MOCOS: variants seen among roughly 807,000 people sequenced by gnomAD.
MOCOS encodes the protein human molybdenum cofactor sulfurase.
MOCOS carries 86 observed loss-of-function variants against 83.6 expected under a neutral mutation model. The observed-to-expected ratio is 1.03, with a 90% CI of 0.86 to 1.23. MOCOS has a LOEUF of 1.23. Ranked by LOEUF, MOCOS falls within the 50% of genes most tolerant of loss-of-function variation. The pLI is 0.00. For synonymous variants in MOCOS, 445 were observed against 434.7 expected, an observed-to-expected ratio of 1.02 and a Z score of -0.29; for missense variants, 1,120 against 1,126.9, an observed-to-expected ratio of 0.99 and a Z score of 0.09.
rs1555652670 is a variant in MOCOS at position 36,218,837 on chromosome 18, T to TTTAA, written c.1798-1216_1798-1215insAATT. Among the ~76,000 whole-genome samples the TTTAA allele has an allele frequency of 1.3e-4, 17 of 133,958 alleles. No individual in the cohort carries two copies. The South Asian group carries it at 1.4e-3, about 11-fold the overall frequency. The allele number at this position is 133,958 out of a possible 152,430, so 87.9% of individuals were successfully genotyped here. A position where few individuals can be genotyped will look rare whatever the true frequency, so the allele number is the denominator to read the frequency against. ...GCCCAGCTCTACTCACTTTATTTTA[T>TTTAA]TTTATTTATTTATTTATTTATTTAT... On this transcript the variant is annotated intron_variant, in intron 8 of 14. Transcript: ENST00000261326.
intron 9 of MOCOS, among the ~76,000 whole-genome samples, chr18:36,235,315 T>A (rs1215412242): frequency 8.2e-6 from 1 of 121,394 alleles, no homozygotes; most frequent in South Asian, 3.1e-4. Flanking sequence ...CAGAGTGTGA[T>A]GTTCCCCTTC....
intron 5 of MOCOS, 138 bp from the exon 6 acceptor site, chr18:36,204,939 G>A (rs1008381207): frequency 1.4e-6 from 1 of 737,870 alleles, no homozygotes; most frequent in Non-Finnish European, 2.1e-6. Context: ...GCTGCAGTGA[G>A]CTGTGATCAT....
chr18:36,231,679 A>G (rs1035807013), intron 9 of MOCOS, among the ~76,000 whole-genome samples: 31 of 152,204 alleles, frequency 2.0e-4, no homozygotes, highest in Non-Finnish European at 2.5e-4. Flanking sequence ...ATGAGCCTTC[A>G]TGCTTGTCTG....
intron 10 of MOCOS, 92 bp from the exon 11 acceptor site, chr18:36,251,067 A>G (rs1158653475): frequency 3.4e-6 from 5 of 1,460,690 alleles, no homozygotes; most frequent in Non-Finnish European, 4.7e-6. Flanking sequence ...GTTTTGTTTT[A>G]TTTTATTTTG....
chr18:36,210,004 G>GGATTA (rs2091448441), intron 6 of MOCOS, among the ~76,000 whole-genome samples: 1 of 152,066 alleles, frequency 6.6e-6, no homozygotes, highest in Non-Finnish European at 1.5e-5. Context: ...GTACCCGGCT[G>GGATTA]GATTAGCTCT....
chr18:36,213,106 C>T (rs554498958), intron 6 of MOCOS, among the ~76,000 whole-genome samples: 5 of 152,186 alleles, frequency 3.3e-5, no homozygotes, highest in Admixed American at 6.5e-5. Context: ...CGAGCTGAGG[C>T]GGGGCTGCTC....
At position 36,205,511 on chromosome 18, in the gene MOCOS, G is replaced by A. The variant is rs564370318; in HGVS notation, c.1218+235G>A. Among the ~76,000 whole-genome samples the A allele has an allele frequency of 2.6e-5, 4 of 152,318 alleles. No homozygotes were observed. In the South Asian group the frequency reaches 6.2e-4, roughly 24 times the overall value. On this transcript the variant is annotated intron_variant, in intron 6 of 14. Coordinates refer to ENST00000261326, the MANE Select transcript of MOCOS (RefSeq NM_017947.4). Reference sequence around the variant, plus strand: ...CTGATGGCAGGTGGGAAACTGTTGGGTCTTTGCCATAGTAGAATAAGCTGT... The same window carrying A: ...CTGATGGCAGGTGGGAAACTGTTGGATCTTTGCCATAGTAGAATAAGCTGT...
chr18:36,271,904 A>C lies in MOCOS; in HGVS notation c.*3219A>C, dbSNP rs1473222546. On this transcript the variant is annotated 3_prime_UTR_variant, in exon 15 of 15. Transcript: ENST00000261326. ...GTCCGCTTATCCTTCTCTTTCAGTG[A>C]AAAGTTGCTTTTTTATTCAATATGT... 6.6e-6 allele frequency: 1 copy of C among 152,194 alleles called. No individual in the cohort carries two copies. Among genetic ancestry groups the C allele is most frequent in the African/African-American group, 2.4e-5 (1 of 41,458 alleles). 9.4% of individuals were successfully genotyped at this position (152,194 alleles called of 1,614,324 possible).
intron 11 of MOCOS, among the ~76,000 whole-genome samples, chr18:36,254,591 G>T (rs1165033247): frequency 6.6e-6 from 1 of 150,498 alleles, no homozygotes. Flanking sequence ...ATATATGTGT[G>T]TGTGTATATA....
chr18:36,200,441 T>G lies in MOCOS; in HGVS notation c.941+117T>G. 5 of 1,333,880 alleles carry G rather than the reference T, an allele frequency of 3.7e-6. No individual in the cohort carries two copies. In the South Asian group the frequency reaches 6.8e-5, roughly 18 times the overall value. The allele number at this position is 1,333,880 out of a possible 1,614,324, so 82.6% of individuals were successfully genotyped here. A position where few individuals can be genotyped will look rare whatever the true frequency, so the allele number is the denominator to read the frequency against. On this transcript the variant is annotated intron_variant, in intron 4 of 14. Coordinates refer to ENST00000261326, the MANE Select transcript of MOCOS (RefSeq NM_017947.4). ...CTTTGAGGGTCAGCAGAATTCAGGTTGCTGGCAGGGACAGGCTGATGGCAG... is the reference window on the plus strand; with the variant it reads ...CTTTGAGGGTCAGCAGAATTCAGGTGGCTGGCAGGGACAGGCTGATGGCAG...
chr18:36,254,604 TATAC>T (rs1958755210), intron 11 of MOCOS, among the ~76,000 whole-genome samples: 2 of 151,016 alleles, frequency 1.3e-5, no homozygotes, highest in Non-Finnish European at 3.0e-5. Flanking sequence ...TGTATATATA[TATAC>T]ACACACACAT....
intron 9 of MOCOS, among the ~76,000 whole-genome samples, chr18:36,224,253 C>T (rs1365644694): frequency 6.6e-6 from 1 of 152,078 alleles, no homozygotes; most frequent in Admixed American, 6.6e-5. Context: ...AATTTTACTT[C>T]CCTTTTCCAA....
At chr18:36,232,258 A>C (rs1046702786) in intron 9 of MOCOS, among the ~76,000 whole-genome samples, 7 of 152,204 alleles carry the variant, frequency 4.6e-5, no homozygotes, top group African/African-American at 1.7e-4. Context: ...TCCAGGTATG[A>C]GCCACCATGC....
chr18:36,211,933 G>A (rs533284760), intron 6 of MOCOS, among the ~76,000 whole-genome samples: 25 of 152,332 alleles, frequency 1.6e-4, no homozygotes, highest in African/African-American at 6.0e-4. Context: ...TGTTCCCTGG[G>A]ACACTAGCTT....
rs2069841689 is a variant in MOCOS, at chr18:36,200,275, T to C, written c.892T>C (p.Tyr298His). The change falls in exon 4 of 15, where the codon TAC becomes CAC. Residue 298 changes from tyrosine to histidine, a missense_variant. Transcript: ENST00000261326. ...CTTTGGAGGAGGGACAGCCTCTGCG[T>C]ACCTAGCAGGAGAAGACTTCTACAT... ...TYFGGGTASA[Y>H]LAGEDFYIPR... The C allele has an allele frequency of 6.2e-7, 1 of 1,614,152 alleles. No homozygotes were observed. Among genetic ancestry groups the C allele is most frequent in the South Asian group, 1.1e-5 (1 of 91,082 alleles).
chr18:36,212,926 G>A (rs1281811516), intron 6 of MOCOS, among the ~76,000 whole-genome samples: 1 of 152,166 alleles, frequency 6.6e-6, no homozygotes. Context: ...AACATCCCAG[G>A]GGCTCATGTG....
chr18:36,247,992 G>A (rs1170048681), intron 9 of MOCOS, among the ~76,000 whole-genome samples: 2 of 151,986 alleles, frequency 1.3e-5, no homozygotes, highest in Admixed American at 6.6e-5. Context: ...TGGATCATAC[G>A]GTATTTTTAT....
chr18:36,217,363 TA>T (rs1199952110), intron 8 of MOCOS, among the ~76,000 whole-genome samples: 11 of 152,214 alleles, frequency 7.2e-5, no homozygotes, highest in Non-Finnish European at 4.4e-5. Flanking sequence ...TAAAGTATAT[TA>T]AAAATATTAA....
chr18:36,270,682 C>G lies in MOCOS; in HGVS notation c.*1997C>G, dbSNP rs138512504. On this transcript the variant is annotated 3_prime_UTR_variant, in exon 15 of 15. Transcript: ENST00000261326. Reference sequence around the variant, plus strand: ...GAGCCGAGATCATGCCACTGCACACCGGCCTGGTGACAGAGCAAGACTCCA... The same window carrying G: ...GAGCCGAGATCATGCCACTGCACACGGGCCTGGTGACAGAGCAAGACTCCA... The G allele has an allele frequency of 2.1e-5, 3 of 140,228 alleles. No homozygotes were observed. The highest frequency in any genetic ancestry group is 4.5e-5 in the Non-Finnish European group (3 of 66,324). The allele number at this position is 140,228 out of a possible 1,614,324, so 8.7% of individuals were successfully genotyped here.
Sources: gnomAD v4.1 joint callset for allele counts (sites outside exome capture counted in the v4.1 genomes callset) on GRCh38, gnomAD v4.1.1 for gene constraint, MANE v1.5 for transcripts, NCBI Gene and HGNC (gene_info 2026-07-23, HGNC 2026-07-21) for gene names.